SOX6: variants seen among roughly 807,000 people sequenced by gnomAD.
SOX6 encodes the protein SRY-box transcription factor 6.
Under a neutral mutation model 97.8 loss-of-function variants are expected in SOX6, and 11 were observed. The observed-to-expected ratio is 0.11, with a 90% CI of 0.07 to 0.19. The LOEUF is 0.19. Among genes scored for constraint, SOX6 ranks in the 10% least tolerant of loss-of-function variants. SOX6 has a pLI of 1.00. For synonymous variants in SOX6, 360 were observed against 371.4 expected (o/e 0.97, Z 0.35); for missense variants, 810 against 1,039.5 (o/e 0.78, Z 3.04).
chr11:16,042,097 C>A (rs1855685195), intron 12 of SOX6, among the ~76,000 whole-genome samples: 1 of 152,108 alleles, frequency 6.6e-6, no homozygotes, highest in South Asian at 2.1e-4. Context: ...TGGTAATTAT[C>A]TCCATTTTAT....
At chr11:16,377,759 T>C (rs1465275878) in intron 1 of SOX6, among the ~76,000 whole-genome samples, 1 of 152,188 alleles carries the variant, frequency 6.6e-6, no homozygotes, top group East Asian at 1.9e-4. Flanking sequence ...ACAATTTCGA[T>C]GTATCTTTTA....
chr11:16,669,970 C>G lies in SOX6; in HGVS notation n.429+44860G>C, dbSNP rs140080590. Among the ~76,000 whole-genome samples, 12 of 152,236 alleles carry G rather than the reference C, an allele frequency of 7.9e-5. No homozygotes were observed. The East Asian group carries it at 2.3e-3, about 29-fold the overall frequency. Reference sequence around the variant, plus strand: ...CCTCAAACTAGGAAGGAACAAAGGGCTGAGTCATTATGCTGGCATCCCCAG... The same window carrying G: ...CCTCAAACTAGGAAGGAACAAAGGGGTGAGTCATTATGCTGGCATCCCCAG... On this transcript the variant is annotated intron_variant and non_coding_transcript_variant, in intron 3 of 5. Coordinates refer to the SOX6 transcript ENST00000524520.
chr11:16,691,441 C>T lies in SOX6; in HGVS notation n.429+23389G>A, dbSNP rs145812372. On this transcript the variant is annotated intron_variant and non_coding_transcript_variant, in intron 3 of 5. Coordinates refer to the SOX6 transcript ENST00000524520. ...AAGAGAAAGATTTTTTCTTCTGAGA[C>T]TTTTATCTAACTTCATGATTACAAA... is the stretch of plus-strand genomic sequence containing the variant. Among the ~76,000 whole-genome samples, 657 of 152,258 alleles carry T rather than the reference C, an allele frequency of 4.3e-3. 3 individuals carry two copies. Among genetic ancestry groups the T allele is most frequent in the Admixed American group, 9.0e-3 (137 of 15,296 alleles).
chr11:16,546,611 C>T (rs1194650132), intron 4 of SOX6, among the ~76,000 whole-genome samples: 5 of 152,066 alleles, frequency 3.3e-5, no homozygotes, highest in Non-Finnish European at 7.4e-5. Context: ...TAAAAGTCAA[C>T]TCAAGATGAA....
chr11:15,986,112 C>T (rs972711396), intron 15 of SOX6, 92 bp downstream of exon 15: 2 of 1,202,858 alleles, frequency 1.7e-6, no homozygotes, highest in Admixed American at 1.7e-5. Flanking sequence ...TCCTCTTTCC[C>T]TAATCTCCTT....
At chr11:16,422,988 TA>T (rs1590197274) in intron 1 of SOX6, among the ~76,000 whole-genome samples, 1 of 152,186 alleles carries the variant, frequency 6.6e-6, no homozygotes, top group African/African-American at 2.4e-5. Context: ...AGATTATTTT[TA>T]AATGTAAATT....
intron 10 of SOX6, among the ~76,000 whole-genome samples, chr11:16,054,274 C>T (rs987948125): frequency 1.3e-5 from 2 of 152,052 alleles, no homozygotes; most frequent in Non-Finnish European, 2.9e-5. Context: ...GTTTGATATA[C>T]TCATACTTTA....
intron 1 of SOX6, among the ~76,000 whole-genome samples, chr11:16,413,005 G>A (rs1240469711): frequency 6.6e-6 from 1 of 152,156 alleles, no homozygotes; most frequent in Admixed American, 6.5e-5. Context: ...TGAAAGAAGG[G>A]TTGTTCCCCA....
intron 6 of SOX6, among the ~76,000 whole-genome samples, chr11:16,170,035 A>G (rs1167659000): frequency 6.6e-6 from 1 of 152,064 alleles, no homozygotes; most frequent in African/African-American, 2.4e-5. Flanking sequence ...CCTTTCTTCA[A>G]GAATGCTTCC....
intron 4 of SOX6, among the ~76,000 whole-genome samples, chr11:16,213,103 G>A (rs1332536760): frequency 6.6e-6 from 1 of 151,714 alleles, no homozygotes; most frequent in East Asian, 1.9e-4. Context: ...TTGATTCCTG[G>A]ACCTCAAATC....
intron 3 of SOX6, among the ~76,000 whole-genome samples, chr11:16,686,306 T>C (rs548221388): frequency 6.6e-6 from 1 of 152,378 alleles, no homozygotes; most frequent in East Asian, 1.9e-4. Flanking sequence ...TCCAAATCTT[T>C]ATGCTCTGCT....
chr11:16,316,652 T>A (rs767988511), intron 3 of SOX6: 2 of 152,004 alleles, frequency 1.3e-5, no homozygotes, highest in African/African-American at 2.4e-5. Context: ...AGGAAAAAAA[T>A]CATCATCAAT....
At chr11:16,373,715 C>A (rs1408315000) in intron 1 of SOX6, among the ~76,000 whole-genome samples, 1 of 145,926 alleles carries the variant, frequency 6.9e-6, no homozygotes, top group Non-Finnish European at 1.5e-5. Flanking sequence ...AAGTAAACAA[C>A]AAATACATTG....
chr11:16,434,306 G>A (rs781521039), intron 1 of SOX6: 31 of 151,926 alleles, frequency 2.0e-4, no homozygotes, highest in Middle Eastern at 6.8e-3. Flanking sequence ...TCTGCTTCTG[G>A]AATGTCCTTT....
At chr11:16,576,553 T>C (rs1002915541) in intron 4 of SOX6, among the ~76,000 whole-genome samples, 1 of 152,226 alleles carries the variant, frequency 6.6e-6, no homozygotes, top group Admixed American at 6.5e-5. Flanking sequence ...AAAATGATGT[T>C]TAACATTATT....
intron 1 of SOX6, among the ~76,000 whole-genome samples, chr11:16,346,099 C>T (rs1297393656): frequency 2.0e-5 from 3 of 151,856 alleles, no homozygotes; most frequent in African/African-American, 7.2e-5. Flanking sequence ...ATTAAAACTT[C>T]AGGCCAACAT....
intron 9 of SOX6, among the ~76,000 whole-genome samples, chr11:16,081,163 G>C (rs959718686): frequency 1.3e-5 from 2 of 152,018 alleles, no homozygotes; most frequent in Non-Finnish European, 2.9e-5. Context: ...AAGCGTTTGG[G>C]CTAATGGAGT....
chr11:16,289,284 A>G (rs956032342), intron 3 of SOX6, among the ~76,000 whole-genome samples: 1 of 151,980 alleles, frequency 6.6e-6, no homozygotes, highest in Non-Finnish European at 1.5e-5. Flanking sequence ...GGTTGTATGA[A>G]TAGAAATCAA....
intron 6 of SOX6, among the ~76,000 whole-genome samples, chr11:16,147,732 A>G (rs753808540): frequency 1.3e-5 from 2 of 152,132 alleles, no homozygotes; most frequent in Non-Finnish European, 2.9e-5. Context: ...TCCCATCCAC[A>G]TGGAATAAAA....
Sources: allele counts gnomAD v4.1 joint callset (sites outside exome capture counted in the v4.1 genomes callset), GRCh38; gene constraint gnomAD v4.1.1; transcripts MANE v1.5; gene names NCBI Gene and HGNC (gene_info 2026-07-23, HGNC 2026-07-21).